Variants in GTF2E2 observed in about 807,000 individuals in gnomAD.
The protein encoded by GTF2E2 is transcription initiation factor IIE subunit beta.
Under a neutral mutation model 40.5 loss-of-function variants are expected in GTF2E2, and 21 were observed. That is an observed-to-expected ratio of 0.52 (90% confidence interval 0.37 to 0.75). The LOEUF is 0.75. Ranked by LOEUF, GTF2E2 falls within the 30% of genes least tolerant of loss-of-function variation. GTF2E2 has a pLI of 0.00. For missense variants in GTF2E2, 298 were observed against 338.4 expected (o/e 0.88, Z 0.94); for synonymous variants, 117 against 121.6 (o/e 0.96, Z 0.25).
rs1801572033 is a variant in GTF2E2 at position 30,635,557 on chromosome 8, A to AT, written c.167-435dup. 9.2e-5 allele frequency among the ~76,000 whole-genome samples: 14 copies of AT among 151,756 alleles called. No homozygotes were observed. The South Asian group carries it at 2.9e-3, about 32-fold the overall frequency. On this transcript the variant is annotated intron_variant, in intron 2 of 7. Coordinates refer to ENST00000355904, the MANE Select transcript of GTF2E2 (RefSeq NM_002095.6). ...ACCACCATGCCTGGCTAATTTTTTTATTTTTTGTAGAGATGGGGTTTCGCC... is the reference window on the plus strand; with the variant it reads ...ACCACCATGCCTGGCTAATTTTTTTATTTTTTTGTAGAGATGGGGTTTCGCC...
At chr8:30,609,369 T>C (rs1829418606) in intron 5 of GTF2E2, among the ~76,000 whole-genome samples, 1 of 149,928 alleles carries the variant, frequency 6.7e-6, no homozygotes, top group Non-Finnish European at 1.5e-5. Context: ...ATAATGAAAA[T>C]ATCCCAAAAT....
intron 3 of GTF2E2, among the ~76,000 whole-genome samples, chr8:30,622,381 G>A (rs1029718824): frequency 6.6e-6 from 1 of 151,950 alleles, no homozygotes; most frequent in Admixed American, 6.6e-5. Flanking sequence ...CTTTCAAAAG[G>A]GGAGGGAGTG....
At chr8:30,645,517 G>C in intron 2 of GTF2E2, 2 of 1,535,560 alleles carry the variant, frequency 1.3e-6, no homozygotes, top group Non-Finnish European at 1.7e-6. Flanking sequence ...AAACAAAACC[G>C]TGAAAGACTT....
rs1004246147 is a variant in GTF2E2, at chr8:30,600,360, G to A, written c.643+6697C>T. On this transcript the variant is annotated intron_variant, in intron 6 of 7. Coordinates refer to ENST00000355904, the MANE Select transcript of GTF2E2 (RefSeq NM_002095.6). ...ACCATGGGTACTATTTTATTTTTCC[G>A]ATACTAATAATAGTTAACATTACCA... 7.9e-5 allele frequency among the ~76,000 whole-genome samples: 12 copies of A among 152,118 alleles called. No individual in the cohort carries two copies. In the South Asian group the frequency reaches 8.3e-4, roughly 11 times the overall value.
At chr8:30,651,411 A>T (rs908395120) in intron 2 of GTF2E2, among the ~76,000 whole-genome samples, 6 of 145,462 alleles carry the variant, frequency 4.1e-5, no homozygotes, top group African/African-American at 1.6e-4. Context: ...TGAACAATTT[A>T]AAAAAAAAAA....
At chr8:30,614,948 G>A (rs1052828369) in intron 3 of GTF2E2, among the ~76,000 whole-genome samples, 3 of 151,752 alleles carry the variant, frequency 2.0e-5, no homozygotes, top group Non-Finnish European at 2.9e-5. Flanking sequence ...ATCACCAAGA[G>A]CTATATTCTT....
intron 3 of GTF2E2, among the ~76,000 whole-genome samples, chr8:30,620,785 C>G (rs993289082): frequency 6.6e-6 from 1 of 151,786 alleles, no homozygotes; most frequent in Non-Finnish European, 1.5e-5. Flanking sequence ...AAAAATTAGC[C>G]AGGCATGGTG....
intron 5 of GTF2E2, among the ~76,000 whole-genome samples, chr8:30,610,859 A>C (rs181654019): frequency 6.6e-6 from 1 of 152,244 alleles, no homozygotes; most frequent in Admixed American, 6.5e-5. Context: ...CAAATTAAAG[A>C]GCACAATCAA....
At chr8:30,635,214 C>A in intron 2 of GTF2E2, 91 bp from the exon 3 acceptor site, 1 of 711,704 alleles carries the variant, frequency 1.4e-6, no homozygotes. Flanking sequence ...TAACATATTT[C>A]TTGAGTTTTT....
chr8:30,651,231 C>T (rs1287658230), intron 2 of GTF2E2, among the ~76,000 whole-genome samples: 1 of 151,750 alleles, frequency 6.6e-6, no homozygotes, highest in Non-Finnish European at 1.5e-5. Flanking sequence ...AAAGTTCACA[C>T]CGGAAAGAAA....
In GTF2E2 at chr8:30,617,986, T is replaced by C. The variant is rs895144065; in HGVS notation, c.259-3271A>G. ...TTAGAACATTTATTAAAATTGTCTT[T>C]AATTTCCATTTAAAAGTTATGCTTT... is the stretch of plus-strand genomic sequence containing the variant. On this transcript the variant is annotated intron_variant, in intron 3 of 7. Coordinates refer to ENST00000355904, the MANE Select transcript of GTF2E2 (RefSeq NM_002095.6). Among the ~76,000 whole-genome samples, 3 of 152,146 alleles carry C rather than the reference T, an allele frequency of 2.0e-5. 1 individual carries two copies. Among genetic ancestry groups the C allele is most frequent in the African/African-American group, 7.2e-5 (3 of 41,396 alleles).
intron 6 of GTF2E2, among the ~76,000 whole-genome samples, chr8:30,597,797 T>C (rs1456222273): frequency 6.6e-6 from 1 of 152,230 alleles, no homozygotes; most frequent in East Asian, 1.9e-4. Flanking sequence ...AGCCAAACTT[T>C]AAAGGCTGTT....
At chr8:30,654,105 A>T (rs1802379374) in intron 1 of GTF2E2, among the ~76,000 whole-genome samples, 1 of 150,934 alleles carries the variant, frequency 6.6e-6, no homozygotes, top group Admixed American at 6.6e-5. Flanking sequence ...AAAAAAAAAA[A>T]AGAAAGAAAG....
At chr8:30,634,500 G>T (rs771630655) in intron 3 of GTF2E2, among the ~76,000 whole-genome samples, 1 of 152,030 alleles carries the variant, frequency 6.6e-6, no homozygotes, top group Non-Finnish European at 1.5e-5. Context: ...AATCTTATAT[G>T]ATCAAAACTT....
At chr8:30,630,592 G>C (rs1176095058) in intron 3 of GTF2E2, among the ~76,000 whole-genome samples, 2 of 151,832 alleles carry the variant, frequency 1.3e-5, no homozygotes, top group African/African-American at 4.8e-5. Context: ...TTCAAAATAA[G>C]CCCTTCTCTT....
At chr8:30,603,383 T>C (rs1163526688) in intron 6 of GTF2E2, among the ~76,000 whole-genome samples, 1 of 152,120 alleles carries the variant, frequency 6.6e-6, no homozygotes, top group African/African-American at 2.4e-5. Context: ...GCCAGCCATA[T>C]GCCATCTAGA....
chr8:30,580,254 T>G, intron 7 of GTF2E2, 27 bp downstream of exon 7: 2 of 1,239,974 alleles, frequency 1.6e-6, no homozygotes, highest in Non-Finnish European at 2.4e-6. Context: ...GGCAGGGGAT[T>G]AAGCTGCTTT....
At chr8:30,612,851 T>C (rs1829520389) in intron 4 of GTF2E2, among the ~76,000 whole-genome samples, 1 of 152,226 alleles carries the variant, frequency 6.6e-6, no homozygotes, top group African/African-American at 2.4e-5. Context: ...CCAGCCCATA[T>C]ACACATTCTT....
intron 3 of GTF2E2, among the ~76,000 whole-genome samples, chr8:30,615,189 G>C (rs1337497650): frequency 6.6e-6 from 1 of 152,056 alleles, no homozygotes; most frequent in African/African-American, 2.4e-5. Context: ...TGAGGCAGGA[G>C]AATCGCTTGA....
Sources: allele counts gnomAD v4.1 joint callset (sites outside exome capture counted in the v4.1 genomes callset), GRCh38; gene constraint gnomAD v4.1.1; transcripts MANE v1.5; gene names NCBI Gene and HGNC (gene_info 2026-07-23, HGNC 2026-07-21).